The following PTPRT variants were observed in gnomAD, a reference collection of about 807,000 sequenced individuals.
PTPRT encodes receptor-type tyrosine-protein phosphatase T.
A neutral mutation model predicts 176.8 loss-of-function variants in PTPRT; 56 were observed. The observed-to-expected ratio is 0.32, with a 90% CI of 0.26 to 0.40. PTPRT has a LOEUF of 0.40. PTPRT is among the 10% of genes least tolerant of loss of function. The probability of loss-of-function intolerance (pLI) is 1.00; values close to 1 mark genes in which losing one functional copy is unlikely to be tolerated. For missense variants in PTPRT, 1,540 were observed against 1,908.2 expected (o/e 0.81, Z 3.60); for synonymous variants, 783 against 739.0 (o/e 1.06, Z -0.96).
chr20:42,055,406 G>T, the PTPRT span, among the ~76,000 whole-genome samples: 445 of 152,288 alleles, frequency 2.9e-3, 2 homozygotes, highest in Middle Eastern at 0.02. Flanking sequence ...CTCAATTCGG[G>T]TCTAGGTTTC....
intron 14 of PTPRT, among the ~76,000 whole-genome samples, chr20:42,247,181 G>C (rs1158601469): frequency 6.6e-6 from 1 of 152,178 alleles, no homozygotes; most frequent in East Asian, 1.9e-4. Flanking sequence ...ATTGTGCTGG[G>C]AGCTTGAGGC....
chr20:42,272,723 A>ACACACACGTGCGCG (rs2056959610), intron 13 of PTPRT, among the ~76,000 whole-genome samples: 1 of 32,532 alleles, frequency 3.1e-5, no homozygotes, highest in Non-Finnish European at 8.2e-5. Flanking sequence ...ACGTGCGCGC[A>ACACACACGTGCGCG]CACACACACA....
intron 7 of PTPRT, among the ~76,000 whole-genome samples, chr20:42,518,261 C>T (rs1716786537): frequency 1.3e-5 from 2 of 151,922 alleles, no homozygotes; most frequent in East Asian, 3.9e-4. Context: ...TGTAACCTTT[C>T]CATGATTTTA....
At chr20:42,220,959 T>C (rs1002920125) in intron 15 of PTPRT, among the ~76,000 whole-genome samples, 21 of 152,162 alleles carry the variant, frequency 1.4e-4, no homozygotes, top group African/African-American at 3.9e-4. Flanking sequence ...GGACAGTGAG[T>C]ATATTTAAAG....
At chr20:42,482,317 C>T (rs2071401783) in intron 7 of PTPRT, among the ~76,000 whole-genome samples, 1 of 152,316 alleles carries the variant, frequency 6.6e-6, no homozygotes, top group Admixed American at 6.5e-5. Context: ...CACACATGCA[C>T]ACCCCATAGT....
chr20:42,256,428 T>A (rs936876282), intron 13 of PTPRT, among the ~76,000 whole-genome samples: 2 of 151,954 alleles, frequency 1.3e-5, no homozygotes, highest in Non-Finnish European at 2.9e-5. Flanking sequence ...CTTTGAGGAC[T>A]GAAATTGTAG....
At chr20:43,091,563 A>G (rs2011873940) in intron 1 of PTPRT, among the ~76,000 whole-genome samples, 1 of 151,600 alleles carries the variant, frequency 6.6e-6, no homozygotes, top group South Asian at 2.1e-4. Context: ...ACAAACACAC[A>G]CACATACAGA....
At chr20:42,654,164 G>T (rs1413713030) in intron 7 of PTPRT, among the ~76,000 whole-genome samples, 2 of 152,054 alleles carry the variant, frequency 1.3e-5, no homozygotes, top group African/African-American at 4.8e-5. Flanking sequence ...GAGAAATCAG[G>T]CTAGGTTTGG....
chr20:42,036,023 A>G, the PTPRT span, among the ~76,000 whole-genome samples: 52 of 152,178 alleles, frequency 3.4e-4, no homozygotes, highest in Non-Finnish European at 6.2e-4. Flanking sequence ...TGTGACAAGT[A>G]AGGGAGGAGC....
chr20:42,526,994 C>T (rs1170888245), intron 7 of PTPRT, among the ~76,000 whole-genome samples: 3 of 114,374 alleles, frequency 2.6e-5, no homozygotes, highest in Non-Finnish European at 3.3e-5. Flanking sequence ...GATGGAGTCT[C>T]GCTCTGCCGC....
chr20:42,308,050 C>T (rs1568759562), intron 12 of PTPRT, among the ~76,000 whole-genome samples: 1 of 152,120 alleles, frequency 6.6e-6, no homozygotes, highest in South Asian at 2.1e-4. Context: ...AGAAGTTAGC[C>T]TATATGTTCT....
chr20:42,807,417 T>C (rs2077626932), intron 2 of PTPRT, among the ~76,000 whole-genome samples: 1 of 152,198 alleles, frequency 6.6e-6, no homozygotes, highest in Admixed American at 6.5e-5. Context: ...GAGGTTGGGA[T>C]TCCCAAAGTC....
intron 9 of PTPRT, among the ~76,000 whole-genome samples, chr20:42,420,520 G>A (rs981525605): frequency 1.3e-5 from 2 of 152,026 alleles, no homozygotes; most frequent in South Asian, 2.1e-4. Flanking sequence ...TTCTCCTTAC[G>A]CCAGGCTAAT....
At chr20:42,359,179 G>GCA (rs1249134646) in intron 9 of PTPRT, among the ~76,000 whole-genome samples, 1 of 152,192 alleles carries the variant, frequency 6.6e-6, no homozygotes, top group Admixed American at 6.5e-5. Context: ...TGATTCTCAT[G>GCA]CACACTGAGT....
chr20:42,440,805 G>C (rs959204260), intron 9 of PTPRT, among the ~76,000 whole-genome samples: 2 of 152,204 alleles, frequency 1.3e-5, no homozygotes, highest in African/African-American at 4.8e-5. Flanking sequence ...ACCAAATGCT[G>C]TCAGGCTAGA....
At chr20:43,097,720 T>C (rs2146319336) in intron 1 of PTPRT, among the ~76,000 whole-genome samples, 1 of 152,216 alleles carries the variant, frequency 6.6e-6, no homozygotes, top group Non-Finnish European at 1.5e-5. Flanking sequence ...ACAGGAATCA[T>C]TTTTTCCATA....
In PTPRT at chr20:42,079,859, A is replaced by G. The variant is rs1983140908; in HGVS notation, c.*1020T>C. The G allele has an allele frequency of 8.6e-6, 2 of 231,520 alleles. No homozygotes were observed. Among genetic ancestry groups the G allele is most frequent in the African/African-American group, 4.4e-5 (2 of 45,224 alleles). The allele number at this position is 231,520 out of a possible 1,614,324, so 14.3% of individuals were successfully genotyped here. On this transcript the variant is annotated 3_prime_UTR_variant, in exon 31 of 31. Coordinates refer to ENST00000373187, the MANE Select transcript of PTPRT (RefSeq NM_007050.6). ...TGTCCCAGGGTGGGAGCTTTTAAGGACATTGCCAGGAAAAAATAAAAGGCC... is the reference window on the plus strand; with the variant it reads ...TGTCCCAGGGTGGGAGCTTTTAAGGGCATTGCCAGGAAAAAATAAAAGGCC...
At chr20:43,013,853 G>T (rs1383228576) in intron 1 of PTPRT, among the ~76,000 whole-genome samples, 1 of 152,174 alleles carries the variant, frequency 6.6e-6, no homozygotes, top group East Asian at 1.9e-4. Context: ...AGTCTTCAAT[G>T]GCTTTGTGAT....
At chr20:42,827,206 T>C (rs1600799043) in intron 2 of PTPRT, among the ~76,000 whole-genome samples, 1 of 152,200 alleles carries the variant, frequency 6.6e-6, no homozygotes, top group Non-Finnish European at 1.5e-5. Flanking sequence ...CAGATGGATC[T>C]GATAGACCTC....
Sources: gnomAD v4.1 joint callset for allele counts (sites outside exome capture counted in the v4.1 genomes callset) on GRCh38, gnomAD v4.1.1 for gene constraint, MANE v1.5 for transcripts, NCBI Gene and HGNC (gene_info 2026-07-23, HGNC 2026-07-21) for gene names.